The following SUPT6H variants were observed in gnomAD, a reference collection of about 807,000 sequenced individuals.
SUPT6H encodes SPT6 homolog, histone chaperone and transcription elongation factor.
In SUPT6H, 11 loss-of-function variants were observed where a neutral mutation model predicts 222.3. That is an observed-to-expected ratio of 0.05 (90% confidence interval 0.03 to 0.08). The LOEUF (loss-of-function observed/expected upper bound fraction) is 0.08. Among genes scored for constraint, SUPT6H ranks in the 10% least tolerant of loss-of-function variants. The probability of loss-of-function intolerance (pLI) is 1.00; values close to 1 mark genes in which losing one functional copy is unlikely to be tolerated. For synonymous variants in SUPT6H, 762 were observed against 801.2 expected, an observed-to-expected ratio of 0.95 and a Z score of 0.83; for missense variants, 1,422 against 2,216.0, an observed-to-expected ratio of 0.64 and a Z score of 7.19.
chr17:28,677,661 T>C, intron 7 of SUPT6H, 54 bp from the exon 8 acceptor site: 1 of 1,333,792 alleles, frequency 7.5e-7, no homozygotes, highest in Non-Finnish European at 1.1e-6. Context: ...TATGTTTTTC[T>C]TAAGTGAGAC....
chr17:28,685,008 T>G (rs1377777806), intron 19 of SUPT6H, 47 bp downstream of exon 19: 1 of 1,542,678 alleles, frequency 6.5e-7, no homozygotes, highest in South Asian at 1.1e-5. Context: ...GGAGTATGTC[T>G]TATGATTCAG....
At chr17:28,689,605 G>A in intron 25 of SUPT6H, 44 bp downstream of exon 25, 1 of 1,599,528 alleles carries the variant, frequency 6.3e-7, no homozygotes, top group Non-Finnish European at 8.6e-7. Flanking sequence ...CCCATCCCAA[G>A]TGGCCAGGTT....
At chr17:28,692,869 C>T (rs377666391) in intron 27 of SUPT6H, among the ~76,000 whole-genome samples, 6 of 138,158 alleles carry the variant, frequency 4.3e-5, no homozygotes, top group African/African-American at 8.2e-5. Context: ...GGCATGGTGG[C>T]GGGCGCTTGT....
At chr17:28,669,387 C>A (rs953845692) in intron 1 of SUPT6H, among the ~76,000 whole-genome samples, 3 of 152,176 alleles carry the variant, frequency 2.0e-5, no homozygotes, top group African/African-American at 7.2e-5. Context: ...GGCAGAGTTT[C>A]ACCATGTTGG....
At chr17:28,684,444 C>G in intron 17 of SUPT6H, 142 bp from the exon 18 acceptor site, 1 of 975,298 alleles carries the variant, frequency 1.0e-6, no homozygotes, top group South Asian at 1.6e-5. Flanking sequence ...GGTGGTAAGC[C>G]TGCCAATGGC....
chr17:28,685,863 A>C (rs2031354267), intron 19 of SUPT6H, among the ~76,000 whole-genome samples: 1 of 152,212 alleles, frequency 6.6e-6, no homozygotes, highest in Non-Finnish European at 1.5e-5. Context: ...CCACAAATGA[A>C]ATAGCCACAA....
intron 1 of SUPT6H, among the ~76,000 whole-genome samples, chr17:28,666,784 TGACC>T: frequency 6.6e-6 from 1 of 152,154 alleles, no homozygotes; most frequent in Admixed American, 6.5e-5. Flanking sequence ...GCGTCTGACC[TGACC>T]TGAAGTGATC....
intron 13 of SUPT6H, 50 bp from the exon 14 acceptor site, chr17:28,682,677 G>A: frequency 6.3e-7 from 1 of 1,596,268 alleles, no homozygotes; most frequent in Non-Finnish European, 8.5e-7. Context: ...AAGCCAAGAG[G>A]TTTATCAGCC....
intron 1 of SUPT6H, among the ~76,000 whole-genome samples, chr17:28,669,065 G>T (rs910245554): frequency 6.6e-6 from 1 of 152,084 alleles, no homozygotes; most frequent in Non-Finnish European, 1.5e-5. Context: ...AAGACATTTT[G>T]TTTATGTGAG....
chr17:28,677,686 G>A (rs778448593), intron 7 of SUPT6H, 29 bp from the exon 8 acceptor site: 13 of 1,548,060 alleles, frequency 8.4e-6, no homozygotes, highest in Middle Eastern at 1.7e-4. Flanking sequence ...GATAAAGTCC[G>A]TCTCACCCTG....
At chr17:28,673,638 C>T (rs1489176253) in intron 2 of SUPT6H, 128 bp downstream of exon 2, 1 of 694,456 alleles carries the variant, frequency 1.4e-6, no homozygotes, top group East Asian at 2.7e-5. Flanking sequence ...TGAGAACTTT[C>T]AGTCATTCTT....
intron 11 of SUPT6H, among the ~76,000 whole-genome samples, chr17:28,679,521 A>G (rs1418040708): frequency 6.6e-6 from 1 of 152,080 alleles, no homozygotes; most frequent in African/African-American, 2.4e-5. Context: ...TATACTCCAC[A>G]CTGAGTGAAA....
Position 28,673,611 on chromosome 17 carries a change from C to T in SUPT6H, c.109+101C>T, listed in dbSNP as rs1597690931. ...CTCAGGCTCAGCACAGAAGTTATCA[C>T]ACATGAGGTACCAGCTTGAGAACTT... On this transcript the variant is annotated intron_variant, in intron 2 of 36. Transcript: ENST00000314616. The T allele has an allele frequency of 4.8e-6, 4 of 836,356 alleles. No individual in the cohort carries two copies. In the East Asian group the frequency reaches 1.1e-4, roughly 22 times the overall value. The allele number at this position is 836,356 out of a possible 1,614,324, so 51.8% of individuals were successfully genotyped here. A position where few individuals can be genotyped will look rare whatever the true frequency, so the allele number is the denominator to read the frequency against.
rs1378605010 is a variant in SUPT6H, at chr17:28,693,817, G to A, written c.3755G>A (p.Arg1252Gln). 3.1e-6 allele frequency: 5 copies of A among 1,614,182 alleles called. No individual in the cohort carries two copies. Among genetic ancestry groups the A allele is most frequent in the Admixed American group, 3.3e-5 (2 of 60,024 alleles). The stretch of plus-strand genomic sequence containing the variant: ...TTCCTCAGTGACAAAGTGGTAAAGC[G>A]GCCAGAAGAACGAGTGAAGGTAGAG... ...TKFLSDKVVK[R>Q]PEERVKVGMT... Residue 1252 changes from arginine (R) to glutamine (Q), a missense_variant, in exon 28 of 37, where the codon CGG (arginine) becomes CAG (glutamine). Physicochemically the swap from Arg to Gln is conservative, Grantham distance 43. Coordinates refer to ENST00000314616, the MANE Select transcript of SUPT6H (RefSeq NM_003170.5).
intron 11 of SUPT6H, among the ~76,000 whole-genome samples, chr17:28,680,480 C>T (rs1355690179): frequency 6.7e-6 from 1 of 149,200 alleles, no homozygotes; most frequent in Non-Finnish European, 1.5e-5. Flanking sequence ...TGCCTGTGAT[C>T]CCAGCTCGCG....
chr17:28,691,117 G>A (rs781178225), intron 27 of SUPT6H, 54 bp downstream of exon 27: 104 of 1,575,228 alleles, frequency 6.6e-5, no homozygotes, highest in South Asian at 4.4e-4. Flanking sequence ...GAATGATCTC[G>A]GTGCCTAGAA....
chr17:28,697,600 C>T lies in SUPT6H; in HGVS notation c.4210-20C>T, dbSNP rs1384536579. 2.5e-6 allele frequency: 4 copies of T among 1,593,138 alleles called. No individual in the cohort carries two copies. Among genetic ancestry groups the T allele is most frequent in the East Asian group, 2.2e-5 (1 of 44,772 alleles). On this transcript the variant is annotated intron_variant, in intron 30 of 36. Transcript: ENST00000314616. ...TCAGCTCTGGATATGACACATGGGG[C>T]CTTTACCTTCTTCCCACAGGAATTC...
intron 1 of SUPT6H, among the ~76,000 whole-genome samples, chr17:28,667,632 C>T (rs894613977): frequency 2.6e-5 from 4 of 151,000 alleles, no homozygotes; most frequent in African/African-American, 7.3e-5. Flanking sequence ...CAGAGCACCA[C>T]GCCTAAATGT....
At chr17:28,669,198 G>T (rs1255743581) in intron 1 of SUPT6H, among the ~76,000 whole-genome samples, 3 of 152,110 alleles carry the variant, frequency 2.0e-5, no homozygotes, top group Non-Finnish European at 4.4e-5. Context: ...AGTTTTTTGG[G>T]TTTTTTTGTT....
Sources: allele counts gnomAD v4.1 joint callset (sites outside exome capture counted in the v4.1 genomes callset), GRCh38; gene constraint gnomAD v4.1.1; transcripts MANE v1.5; gene names NCBI Gene and HGNC (gene_info 2026-07-23, HGNC 2026-07-21).